ANKRD30A: variants seen among roughly 807,000 people sequenced by gnomAD.
ANKRD30A encodes the protein ankyrin repeat domain 30A.
ANKRD30A carries 170 observed loss-of-function variants against 166.3 expected under a neutral mutation model. The observed-to-expected ratio is 1.02, with a 90% confidence interval of 0.90 to 1.16. The LOEUF is 1.16. Ranked by LOEUF, ANKRD30A falls within the 50% of genes most tolerant of loss-of-function variation. The pLI, the probability that ANKRD30A is intolerant of heterozygous loss-of-function variation, is 0.00. For missense variants in ANKRD30A, 1,630 were observed against 1,518.0 expected, an observed-to-expected ratio of 1.07 and a Z score of -1.23; for synonymous variants, 564 against 508.9, an observed-to-expected ratio of 1.11 and a Z score of -1.46.
At chr10:37,147,536 C>T in intron 9 of ANKRD30A, 79 bp downstream of exon 9, 3 of 906,884 alleles carry the variant, frequency 3.3e-6, no homozygotes, top group Non-Finnish European at 4.9e-6. Context: ...ACTCTAATAG[C>T]CAAATAAAAT....
Position 37,193,176 on chromosome 10 carries a change from A to T in ANKRD30A, c.2542-10A>T, listed in dbSNP as rs1840745678. ...TGTATATTAATTGTTTTGTTTCTAAACCCATTTAGGCTCCCTGCAGAATGA... is the reference window on the plus strand; with the variant it reads ...TGTATATTAATTGTTTTGTTTCTAATCCCATTTAGGCTCCCTGCAGAATGA... On this transcript the variant is annotated splice_polypyrimidine_tract_variant and intron_variant, in intron 26 of 35. Transcript: ENST00000361713. The T allele has an allele frequency of 1.9e-6, 3 of 1,611,576 alleles. No homozygotes were observed. The highest frequency in any genetic ancestry group is 1.7e-5 in the Admixed American group (1 of 59,882).
Position 37,145,044 on chromosome 10 carries a change from T to C in ANKRD30A, c.1443T>C (p.Ser481=). The change falls in exon 8 of 36, where the codon TCT becomes TCC. Residue 481 remains serine (S), a synonymous_variant. Transcript: ENST00000361713. ...ESKQEEDEEY[S]CDSRSLFESS... is the part of the protein sequence containing the mutation. ...AACAAGAGGAAGATGAAGAATATTCTTGTGATTCTCGGGTATTGTGTATTA... is the reference window on the plus strand; with the variant it reads ...AACAAGAGGAAGATGAAGAATATTCCTGTGATTCTCGGGTATTGTGTATTA... 6.3e-7 allele frequency: 1 copy of C among 1,596,690 alleles called. No homozygotes were observed. The highest frequency in any genetic ancestry group is 2.3e-5 in the East Asian group (1 of 44,160).
rs1364839822 is a variant in ANKRD30A, at chr10:37,201,096, T to A, written c.2779-139T>A. 4 of 539,952 alleles carry A rather than the reference T, an allele frequency of 7.4e-6. No individual in the cohort carries two copies. In the African/African-American group the frequency reaches 8.2e-5, roughly 11 times the overall value. The allele number at this position is 539,952 out of a possible 1,614,324, so 33.4% of individuals were successfully genotyped here. On this transcript the variant is annotated intron_variant, in intron 30 of 35. Transcript: ENST00000361713. ...AGGTTTTCTATTAAAATGTTTTTTT[T>A]TATACGTGTCTGCTCTTAAGTTGAA...
chr10:37,160,185 G>C (rs1410776539), intron 15 of ANKRD30A, among the ~76,000 whole-genome samples: 1 of 152,092 alleles, frequency 6.6e-6, no homozygotes, highest in Non-Finnish European at 1.5e-5. Context: ...ACTAAAAGTC[G>C]ACATTAAATG....
At chr10:37,236,379 C>G (rs953244058), downstream of ANKRD30A, among the ~76,000 whole-genome samples, 3 of 152,180 alleles carry the variant, frequency 2.0e-5, no homozygotes, top group Non-Finnish European at 1.5e-5. Flanking sequence ...CTCTTACACA[C>G]AGTTGCAGTT....
At chr10:37,217,435 A>G (rs970607361) in intron 32 of ANKRD30A, among the ~76,000 whole-genome samples, 1 of 150,972 alleles carries the variant, frequency 6.6e-6, no homozygotes, top group Middle Eastern at 3.2e-3. Flanking sequence ...ATAGCTTCCA[A>G]TATTCTTTTC....
At chr10:37,195,205 A>G (rs1840979394) in intron 27 of ANKRD30A, among the ~76,000 whole-genome samples, 1 of 152,218 alleles carries the variant, frequency 6.6e-6, no homozygotes, top group Admixed American at 6.5e-5. Context: ...GGGCTCTTGT[A>G]TATGAAATAA....
Position 37,132,314 on chromosome 10 carries a change from T to C in ANKRD30A, c.585T>C (p.Asn195=). ...EQIVEFLLIK[N]ANANAVNKYK... ...TTGTGGAATTTTTGCTGATAAAAAA[T>C]GCAAATGCGAATGCAGTTAATAAGT... The change falls in exon 4 of 36, where the codon AAT becomes AAC. Residue 195 remains asparagine, a synonymous_variant. Coordinates refer to ENST00000361713, the MANE Select transcript of ANKRD30A (RefSeq NM_052997.3). 6.2e-7 allele frequency: 1 copy of C among 1,603,706 alleles called. No individual in the cohort carries two copies. The highest frequency in any genetic ancestry group is 8.5e-7 in the Non-Finnish European group (1 of 1,174,890).
chr10:37,133,120 T>C (rs540010540), intron 4 of ANKRD30A, among the ~76,000 whole-genome samples: 1 of 152,360 alleles, frequency 6.6e-6, no homozygotes, highest in South Asian at 2.1e-4. Flanking sequence ...TACGTGACTA[T>C]TAATTGCTAT....
At chr10:37,153,215 T>C (rs1838091209) in intron 12 of ANKRD30A, among the ~76,000 whole-genome samples, 1 of 152,224 alleles carries the variant, frequency 6.6e-6, no homozygotes. Flanking sequence ...ATGTGTTGTA[T>C]TTTGTTTGAA....
Position 37,201,319 on chromosome 10 carries a change from T to G in ANKRD30A, c.2863T>G (p.Leu955Val), listed in dbSNP as rs1564561446. 3 of 1,581,048 alleles carry G rather than the reference T, an allele frequency of 1.9e-6. No individual in the cohort carries two copies. The South Asian group carries it at 3.5e-5, about 18-fold the overall frequency. The stretch of plus-strand genomic sequence containing the variant: ...AGAAATGGATAAAATAAGTGGAAAA[T>G]TAGAAGGTAAGAACCATCTTTTATT... ...QKEMDKISGK[L>V]EDSTSLSKIL... is the part of the protein sequence containing the mutation. The change falls in exon 31 of 36, where the codon TTA (leucine) becomes GTA (valine). Residue 955 changes from leucine to valine, a missense_variant. Leu to Val is a conservative substitution (Grantham distance 32). Coordinates refer to ENST00000361713, the MANE Select transcript of ANKRD30A (RefSeq NM_052997.3).
At chr10:37,205,298 AG>A (rs942956942) in intron 31 of ANKRD30A, among the ~76,000 whole-genome samples, 1 of 152,184 alleles carries the variant, frequency 6.6e-6, no homozygotes, top group Non-Finnish European at 1.5e-5. Flanking sequence ...TATCCTTTGT[AG>A]GGACATGGAT....
Position 37,125,735 on chromosome 10 carries a change from G to C in ANKRD30A, c.-53G>C. 1.8e-6 allele frequency: 1 copy of C among 567,048 alleles called. No homozygotes were observed. The highest frequency in any genetic ancestry group is 3.0e-5 in the East Asian group (1 of 33,864). The allele number at this position is 567,048 out of a possible 1,614,324, so 35.1% of individuals were successfully genotyped here. On this transcript the variant is annotated 5_prime_UTR_variant, in exon 1 of 36. Coordinates refer to ENST00000361713, the MANE Select transcript of ANKRD30A (RefSeq NM_052997.3). ...GATTGGGGAGGGGTGGGGGGTGGTG[G>C]CTGGGAAGGGCGATCGGGAGGCGCG...
At chr10:37,143,666 A>G (rs1355515563) in intron 7 of ANKRD30A, among the ~76,000 whole-genome samples, 1 of 152,194 alleles carries the variant, frequency 6.6e-6, no homozygotes, top group African/African-American at 2.4e-5. Context: ...AAAAGAAAAA[A>G]AAATGTTAGG....
At chr10:37,247,290 T>C in the ANKRD30A span, among the ~76,000 whole-genome samples, 2 of 152,146 alleles carry the variant, frequency 1.3e-5, no homozygotes, top group Non-Finnish European at 2.9e-5. Context: ...GTAACGGTGG[T>C]GTCACTCCAC....
chr10:37,201,442 A>AAGGAG, intron 31 of ANKRD30A, 117 bp downstream of exon 31: 1 of 719,150 alleles, frequency 1.4e-6, no homozygotes, highest in East Asian at 3.7e-5. Context: ...CCATGGAAAA[A>AAGGAG]AAGAGAAGTG....
chr10:37,225,614 A>G (rs936278127), intron 34 of ANKRD30A, among the ~76,000 whole-genome samples: 1 of 151,862 alleles, frequency 6.6e-6, no homozygotes, highest in African/African-American at 2.4e-5. Flanking sequence ...GCAGTGAAAG[A>G]GATTTTTAAA....
intron 24 of ANKRD30A, among the ~76,000 whole-genome samples, chr10:37,179,015 T>C (rs1372649781): frequency 0.011 from 18 of 1,672 alleles, no homozygotes; most frequent in Admixed American, 0.034. Context: ...AGGCGTCAAA[T>C]ATATATATAT....
chr10:37,191,291 A>T (rs564884679), intron 25 of ANKRD30A, among the ~76,000 whole-genome samples: 6 of 152,076 alleles, frequency 3.9e-5, no homozygotes, highest in African/African-American at 1.2e-4. Context: ...GAATATTTAT[A>T]TTTAATATTA....
Sources: gnomAD v4.1 joint callset for allele counts (sites outside exome capture counted in the v4.1 genomes callset) on GRCh38, gnomAD v4.1.1 for gene constraint, MANE v1.5 for transcripts, NCBI Gene and HGNC (gene_info 2026-07-23, HGNC 2026-07-21) for gene names.